YWHAQ: variants seen among roughly 807,000 people sequenced by gnomAD.
The protein encoded by YWHAQ is 14-3-3 protein theta.
YWHAQ carries 6 observed loss-of-function variants against 28.3 expected under a neutral mutation model. The observed-to-expected ratio is 0.21, with a 90% confidence interval of 0.12 to 0.42. The LOEUF is 0.42. Ranked by LOEUF, YWHAQ falls within the 10% of genes least tolerant of loss-of-function variation. The probability of loss-of-function intolerance (pLI) is 1.00; values close to 1 mark genes in which losing one functional copy is unlikely to be tolerated. For missense variants in YWHAQ, 201 were observed against 305.6 expected (o/e 0.66, Z 2.55); for synonymous variants, 143 against 119.1 (o/e 1.20, Z -1.31).
chr2:9,615,750 TG>T (rs766492696), intron 2 of YWHAQ, among the ~76,000 whole-genome samples: 3 of 152,072 alleles, frequency 2.0e-5, no homozygotes, highest in Non-Finnish European at 2.9e-5. Context: ...AAAGGAGAGA[TG>T]ATCTCAGAAG....
chr2:9,616,510 C>T (rs1164483137), intron 2 of YWHAQ, among the ~76,000 whole-genome samples: 1 of 150,164 alleles, frequency 6.7e-6, no homozygotes, highest in Non-Finnish European at 1.5e-5. Flanking sequence ...ACAAGACAAT[C>T]CACAGAACGG....
chr2:9,624,783 G>A (rs570361484), intron 2 of YWHAQ, among the ~76,000 whole-genome samples: 1 of 151,050 alleles, frequency 6.6e-6, no homozygotes, highest in East Asian at 2.0e-4. Flanking sequence ...GTTTCGCTCT[G>A]TCGCCTAGGC....
chr2:9,610,709 T>C (rs1449756727), intron 2 of YWHAQ, among the ~76,000 whole-genome samples: 3 of 152,084 alleles, frequency 2.0e-5, no homozygotes, highest in African/African-American at 7.2e-5. Context: ...GGTTTCTCCA[T>C]GTTGGTCAGG....
chr2:9,606,609 A>C (rs1279881981), intron 2 of YWHAQ, among the ~76,000 whole-genome samples: 1 of 152,116 alleles, frequency 6.6e-6, no homozygotes, highest in Non-Finnish European at 1.5e-5. Context: ...GGCTCACTGC[A>C]ACCTCCGCCA....
intron 2 of YWHAQ, among the ~76,000 whole-genome samples, chr2:9,602,851 AAAAAAAAAAAAATATATATATAT>A (rs1282805966): frequency 2.4e-4 from 4 of 16,424 alleles, no homozygotes; most frequent in African/African-American, 9.2e-4. Flanking sequence ...AAAAAAAAAA[AAAAAAAAAAAAATATATATATAT>A]ATATATATAT....
At chr2:9,629,595 C>T (rs1667316394) in intron 2 of YWHAQ, among the ~76,000 whole-genome samples, 2 of 152,176 alleles carry the variant, frequency 1.3e-5, no homozygotes, top group South Asian at 4.1e-4. Flanking sequence ...TCTTCAGATA[C>T]AGCTGTGTCC....
At chr2:9,608,622 C>A (rs1666882310) in intron 2 of YWHAQ, among the ~76,000 whole-genome samples, 1 of 152,154 alleles carries the variant, frequency 6.6e-6, no homozygotes, top group Non-Finnish European at 1.5e-5. Flanking sequence ...AAGGTACACA[C>A]AAGTGCCATA....
intron 2 of YWHAQ, among the ~76,000 whole-genome samples, chr2:9,618,508 G>C (rs182592362): frequency 3.3e-5 from 5 of 152,102 alleles, no homozygotes; most frequent in African/African-American, 9.6e-5. Context: ...AGTTGTCTTT[G>C]TTTCATTTTC....
chr2:9,586,908 AGC>A (rs1374907302), intron 5 of YWHAQ, among the ~76,000 whole-genome samples: 3 of 152,210 alleles, frequency 2.0e-5, no homozygotes, highest in African/African-American at 7.2e-5. Flanking sequence ...CTATCTAAGA[AGC>A]AGGGAGAAAA....
chr2:9,625,809 C>T (rs1280663206), intron 2 of YWHAQ, among the ~76,000 whole-genome samples: 1 of 152,046 alleles, frequency 6.6e-6, no homozygotes, highest in Non-Finnish European at 1.5e-5. Context: ...CATCAATTTA[C>T]AGAAGAGAGA....
intron 2 of YWHAQ, among the ~76,000 whole-genome samples, chr2:9,629,108 C>T (rs1405650738): frequency 6.6e-6 from 1 of 151,752 alleles, no homozygotes; most frequent in Non-Finnish European, 1.5e-5. Flanking sequence ...TTCTTCCATT[C>T]CCTTTTGAAA....
intron 2 of YWHAQ, among the ~76,000 whole-genome samples, chr2:9,611,129 C>G (rs1009897512): frequency 6.6e-6 from 1 of 152,122 alleles, no homozygotes; most frequent in African/African-American, 2.4e-5. Flanking sequence ...GGGTTTGATA[C>G]ATAAGGACAC....
At chr2:9,586,914 G>A (rs1666353830) in intron 5 of YWHAQ, among the ~76,000 whole-genome samples, 1 of 152,074 alleles carries the variant, frequency 6.6e-6, no homozygotes, top group Non-Finnish European at 1.5e-5. Flanking sequence ...AAGAAGCAGG[G>A]AGAAAAAGAC....
At chr2:9,601,717 C>T (rs1002130457) in intron 2 of YWHAQ, among the ~76,000 whole-genome samples, 1 of 152,078 alleles carries the variant, frequency 6.6e-6, no homozygotes, top group Non-Finnish European at 1.5e-5. Context: ...GTGATCTTAG[C>T]TCATTGCAAC....
At chr2:9,602,872 T>A (rs1259084115) in intron 2 of YWHAQ, among the ~76,000 whole-genome samples, 6 of 17,506 alleles carry the variant, frequency 3.4e-4, no homozygotes, top group Admixed American at 6.5e-4. Flanking sequence ...AATATATATA[T>A]ATATATATAT....
At chr2:9,621,134 C>T (rs545091848) in intron 2 of YWHAQ, among the ~76,000 whole-genome samples, 2 of 152,136 alleles carry the variant, frequency 1.3e-5, no homozygotes, top group South Asian at 2.1e-4. Flanking sequence ...AATGCAATGC[C>T]GCTATTCTCA....
chr2:9,594,001 G>A (rs73913141), intron 2 of YWHAQ, among the ~76,000 whole-genome samples: 24 of 120,130 alleles, frequency 2.0e-4, no homozygotes, highest in African/African-American at 5.3e-4. Context: ...ACACACACAC[G>A]CACGCACAAA....
At chr2:9,623,434 GGTT>G (rs895767764) in intron 2 of YWHAQ, among the ~76,000 whole-genome samples, 5 of 152,184 alleles carry the variant, frequency 3.3e-5, no homozygotes, top group African/African-American at 1.2e-4. Flanking sequence ...TCTTCCCAGG[GGTT>G]GTTTGGAGAA....
At chr2:9,618,418 G>T (rs570274021) in intron 2 of YWHAQ, among the ~76,000 whole-genome samples, 44 of 152,274 alleles carry the variant, frequency 2.9e-4, no homozygotes, top group African/African-American at 9.4e-4. Flanking sequence ...TTTCCTTAGA[G>T]AAATTAATTC....
Sources: allele counts gnomAD v4.1 joint callset (sites outside exome capture counted in the v4.1 genomes callset), GRCh38; gene constraint gnomAD v4.1.1; transcripts MANE v1.5; gene names NCBI Gene and HGNC (gene_info 2026-07-23, HGNC 2026-07-21).